The following BMP6 variants were observed in gnomAD, a reference collection of about 807,000 sequenced individuals.
BMP6 encodes VG-1-R.
In BMP6, 17 loss-of-function variants were observed where a neutral mutation model predicts 54.1. The ratio of observed to expected loss-of-function variants is 0.31; its 90% confidence interval spans 0.22 to 0.47. The LOEUF (loss-of-function observed/expected upper bound fraction) is 0.47. Ranked by LOEUF, BMP6 falls within the 20% of genes least tolerant of loss-of-function variation. BMP6 has a pLI of 1.00. For missense variants in BMP6, 720 were observed against 690.4 expected (o/e 1.04, Z -0.48); for synonymous variants, 328 against 291.2 (o/e 1.13, Z -1.28).
chr6:7,751,878 A>G, intron 1 of BMP6, among the ~76,000 whole-genome samples: 1 of 152,236 alleles, frequency 6.6e-6, no homozygotes, highest in East Asian at 1.9e-4. Flanking sequence ...AATGATGCAG[A>G]ATCTCAGAAG....
At chr6:7,870,423 G>C (rs1413861233) in intron 4 of BMP6, among the ~76,000 whole-genome samples, 1 of 152,152 alleles carries the variant, frequency 6.6e-6, no homozygotes, top group East Asian at 1.9e-4. Flanking sequence ...GAAAAATGAA[G>C]GCAACGTATT....
At chr6:7,863,617 G>GA (rs976794703) in intron 4 of BMP6, among the ~76,000 whole-genome samples, 8 of 152,258 alleles carry the variant, frequency 5.3e-5, no homozygotes, top group African/African-American at 1.9e-4. Flanking sequence ...GCTCACCCGG[G>GA]AGCTAAGGAA....
chr6:7,872,425 C>G (rs1478752705), intron 4 of BMP6, among the ~76,000 whole-genome samples: 1 of 152,092 alleles, frequency 6.6e-6, no homozygotes, highest in South Asian at 2.1e-4. Context: ...CAGCACTTAA[C>G]ATGGAATTAT....
intron 1 of BMP6, among the ~76,000 whole-genome samples, chr6:7,759,378 A>G (rs1757573387): frequency 6.6e-6 from 1 of 152,116 alleles, no homozygotes; most frequent in Non-Finnish European, 1.5e-5. Context: ...TGAAAGTTAG[A>G]ACTCAGCTTT....
chr6:7,788,793 T>C (rs1424533444), intron 1 of BMP6, among the ~76,000 whole-genome samples: 1 of 152,082 alleles, frequency 6.6e-6, no homozygotes, highest in Non-Finnish European at 1.5e-5. Flanking sequence ...ATTCCTAAGA[T>C]ACGTAGATAG....
At chr6:7,747,901 C>T (rs1192117855) in intron 1 of BMP6, among the ~76,000 whole-genome samples, 3 of 152,170 alleles carry the variant, frequency 2.0e-5, no homozygotes, top group Non-Finnish European at 4.4e-5. Flanking sequence ...CTGCCTCAGC[C>T]TCCCAAAGTG....
At chr6:7,816,979 C>T (rs1758538079) in intron 1 of BMP6, among the ~76,000 whole-genome samples, 1 of 151,494 alleles carries the variant, frequency 6.6e-6, no homozygotes, top group African/African-American at 2.4e-5. Context: ...TTGTTCTGAA[C>T]TCTACTTGGA....
At chr6:7,873,441 G>A (rs1478699561) in intron 4 of BMP6, among the ~76,000 whole-genome samples, 1 of 152,202 alleles carries the variant, frequency 6.6e-6, no homozygotes, top group African/African-American at 2.4e-5. Flanking sequence ...CCTTTTGGGT[G>A]CACCGTCCTC....
chr6:7,727,741 G>C (rs757604200), intron 1 of BMP6, 122 bp downstream of exon 1: 1 of 1,204,136 alleles, frequency 8.3e-7, no homozygotes. Flanking sequence ...GTGCGCCAGA[G>C]AACGCGGGGA....
intron 1 of BMP6, among the ~76,000 whole-genome samples, chr6:7,793,283 A>G (rs79853464): frequency 0.1 from 15,511 of 151,146 alleles, 1,098 homozygotes; most frequent in African/African-American, 0.2. Context: ...AAAAGGTTAC[A>G]TACTATATAG....
chr6:7,733,540 A>G (rs1057271827), intron 1 of BMP6, among the ~76,000 whole-genome samples: 4 of 152,110 alleles, frequency 2.6e-5, no homozygotes, highest in African/African-American at 9.7e-5. Flanking sequence ...TAACCCAGCC[A>G]TGTGCCCAGC....
intron 1 of BMP6, among the ~76,000 whole-genome samples, chr6:7,777,702 A>T (rs1345472399): frequency 6.6e-6 from 1 of 152,038 alleles, no homozygotes; most frequent in East Asian, 1.9e-4. Flanking sequence ...AAGGGAGAAA[A>T]AGCTGAAAGT....
intron 1 of BMP6, among the ~76,000 whole-genome samples, chr6:7,812,454 A>G (rs545154577): frequency 2.1e-4 from 32 of 152,350 alleles, no homozygotes; most frequent in South Asian, 2.1e-4. Flanking sequence ...CTTTCTGGCT[A>G]TAAGTAATAG....
chr6:7,781,859 T>C (rs1205957287), intron 1 of BMP6, among the ~76,000 whole-genome samples: 2 of 151,234 alleles, frequency 1.3e-5, no homozygotes, highest in African/African-American at 2.4e-5. Context: ...AAAAGATAGG[T>C]GAGAAGTGCG....
chr6:7,880,296 C>G lies in BMP6; in HGVS notation c.1495C>G (p.Leu499Val). 2 of 1,614,108 alleles carry G rather than the reference C, an allele frequency of 1.2e-6. No individual in the cohort carries two copies. The highest frequency in any genetic ancestry group is 2.2e-5 in the East Asian group (1 of 44,882). Residue 499 changes from leucine to valine, a missense_variant, in exon 7 of 7, where the codon CTG becomes GTG. Leu to Val is a conservative substitution (Grantham distance 32). Around this residue, in one of 3 missense-constraint regions of BMP6, gnomAD observed 43 missense variants for 54.0 expected, o/e 0.80. Transcript: ENST00000283147. The stretch of plus-strand genomic sequence containing the variant: ...CTTTGATGACAACTCCAATGTCATT[C>G]TGAAAAAATACAGGAATATGGTTGT... Reference protein sequence around the residue: ...LYFDDNSNVILKKYRNMVVRA... With the variant: ...LYFDDNSNVIVKKYRNMVVRA...
intron 2 of BMP6, among the ~76,000 whole-genome samples, chr6:7,856,128 A>AT (rs1759228642): frequency 6.7e-6 from 1 of 150,078 alleles, no homozygotes; most frequent in South Asian, 2.1e-4. Context: ...TGTAAAAAAA[A>AT]AAAAAAAAAA....
At chr6:7,796,639 G>A (rs1347890643) in intron 1 of BMP6, among the ~76,000 whole-genome samples, 2 of 152,054 alleles carry the variant, frequency 1.3e-5, no homozygotes, top group African/African-American at 2.4e-5. Flanking sequence ...TATCTTCATA[G>A]TGAAGAAGTT....
intron 1 of BMP6, among the ~76,000 whole-genome samples, chr6:7,825,842 A>T (rs1758689427): frequency 6.6e-6 from 1 of 152,138 alleles, no homozygotes; most frequent in Admixed American, 6.5e-5. Context: ...CAGCAACTCC[A>T]CTGTGATCAA....
intron 2 of BMP6, among the ~76,000 whole-genome samples, chr6:7,848,865 T>TA (rs949670285): frequency 7.9e-5 from 12 of 152,216 alleles, no homozygotes; most frequent in Middle Eastern, 3.4e-3. Flanking sequence ...ATGATGCAGG[T>TA]AAAAAAAATT....
Sources: gnomAD v4.1 joint callset for allele counts (sites outside exome capture counted in the v4.1 genomes callset) on GRCh38, gnomAD v4.1.1 for gene constraint, gnomAD v4.1.1 regional missense constraint, MANE v1.5 for transcripts, NCBI Gene and HGNC (gene_info 2026-07-23, HGNC 2026-07-21) for gene names.